Variants in MAPKBP1 observed in about 807,000 individuals in gnomAD.
MAPKBP1 encodes the protein mitogen-activated protein kinase binding protein 1.
Under a neutral mutation model 170.5 loss-of-function variants are expected in MAPKBP1, and 71 were observed. The observed-to-expected ratio is 0.42, with a 90% CI of 0.34 to 0.51. The LOEUF (loss-of-function observed/expected upper bound fraction) is 0.51. Ranked by LOEUF, MAPKBP1 falls within the 20% of genes least tolerant of loss-of-function variation. The pLI, the probability that MAPKBP1 is intolerant of heterozygous loss-of-function variation, is 0.06. For missense variants in MAPKBP1, 1,598 were observed against 1,933.0 expected (o/e 0.83, Z 3.25); for synonymous variants, 719 against 757.9 (o/e 0.95, Z 0.84).
chr15:41,807,136 A>G (rs2064711297), intron 3 of MAPKBP1, among the ~76,000 whole-genome samples: 1 of 152,190 alleles, frequency 6.6e-6, no homozygotes, highest in African/African-American at 2.4e-5. Context: ...TTCTTAGGCT[A>G]TACTGGGGGC....
At position 41,819,556 on chromosome 15, in the gene MAPKBP1, G is replaced by GGGC. The variant is rs151281998; in HGVS notation, c.2426-38_2426-37insGCG. 5 of 1,347,566 alleles carry GGGC rather than the reference G, an allele frequency of 3.7e-6. 1 individual carries two copies. Among genetic ancestry groups the GGGC allele is most frequent in the Middle Eastern group, 3.9e-4 (2 of 5,148 alleles). 83.5% of individuals were successfully genotyped at this position (1,347,566 alleles called of 1,614,324 possible). ...CTCCAGGGTTGGGTGGCGGGGGGGG[G>GGGC]GCAGGAGACACTTCCTCTGACTGCC... On this transcript the variant is annotated intron_variant, in intron 21 of 30. Coordinates refer to ENST00000457542, the MANE Select transcript of MAPKBP1 (RefSeq NM_014994.3).
intron 2 of MAPKBP1, among the ~76,000 whole-genome samples, chr15:41,798,579 G>T (rs1212135004): frequency 6.6e-6 from 1 of 152,032 alleles, no homozygotes; most frequent in Non-Finnish European, 1.5e-5. Flanking sequence ...AATTGTACCT[G>T]GCCCCTCTAG....
At chr15:41,815,122 T>A in intron 10 of MAPKBP1, 137 bp from the exon 11 acceptor site, 1 of 980,238 alleles carries the variant, frequency 1.0e-6, no homozygotes, top group Non-Finnish European at 1.5e-6. Flanking sequence ...ATATACCAGT[T>A]ATGTATGGCC....
intron 2 of MAPKBP1, among the ~76,000 whole-genome samples, chr15:41,799,421 C>T (rs931115092): frequency 1.3e-5 from 2 of 152,104 alleles, no homozygotes; most frequent in Non-Finnish European, 2.9e-5. Flanking sequence ...TTCCTTCATG[C>T]CTGCCAAAGC....
intron 3 of MAPKBP1, among the ~76,000 whole-genome samples, chr15:41,808,111 T>C (rs1398703048): frequency 2.6e-4 from 38 of 146,226 alleles, no homozygotes; most frequent in African/African-American, 6.2e-4. Context: ...CTTTCTTTTT[T>C]TTTTTTTTTT....
At position 41,817,794 on chromosome 15, in the gene MAPKBP1, C is replaced by T. The variant is rs979878362; in HGVS notation, c.1904+59C>T. ...CCTTCATCTCCCTACGGGGTCAGCT[C>T]TGTGCAGCTAAGTTCCCACATCTGT... is the stretch of plus-strand genomic sequence containing the variant. On this transcript the variant is annotated intron_variant, in intron 16 of 30. Coordinates refer to ENST00000457542, the MANE Select transcript of MAPKBP1 (RefSeq NM_014994.3). This position sits in a 1 kb window ranked among gnomAD's most constrained non-coding sequence, Gnocchi z 4.2. 6.3e-7 allele frequency: 1 copy of T among 1,595,810 alleles called. No individual in the cohort carries two copies. Among genetic ancestry groups the T allele is most frequent in the Non-Finnish European group, 8.5e-7 (1 of 1,170,858 alleles).
chr15:41,813,499 G>A (rs1026602425), intron 8 of MAPKBP1, 122 bp from the exon 9 acceptor site: 16 of 1,438,790 alleles, frequency 1.1e-5, no homozygotes, highest in African/African-American at 4.3e-5. Context: ...GCAGCTGGGC[G>A]GCTTTTCCCT....
chr15:41,816,872 AGGGCACTCAT>A (rs2064900977), intron 13 of MAPKBP1, 28 bp from the exon 14 acceptor site: 1 of 1,573,834 alleles, frequency 6.4e-7, no homozygotes, highest in African/African-American at 1.3e-5. Flanking sequence ...AGGGCTGTTC[AGGGCACTCAT>A]GGGCTGATGG....
rs1352943116 is a variant in MAPKBP1, at chr15:41,818,815, T to C, written c.2157-8T>C. The stretch of plus-strand genomic sequence containing the variant: ...CCTCCTTCAGCCAACTGTGTGGCTT[T>C]ACCCCAGCTGCATATTTGTGTGGCG... On this transcript the variant is annotated splice_region_variant and splice_polypyrimidine_tract_variant and intron_variant, in intron 19 of 30. Transcript: ENST00000457542. The surrounding 1 kb of genome is among the most constrained non-coding windows in gnomAD (Gnocchi z 5.2). 7 of 1,613,342 alleles carry C rather than the reference T, an allele frequency of 4.3e-6. No individual in the cohort carries two copies. In the Admixed American group the frequency reaches 1.2e-4, roughly 27 times the overall value.
chr15:41,777,825 CAAAT>C (rs1263566323), intron 2 of MAPKBP1, among the ~76,000 whole-genome samples: 1 of 152,188 alleles, frequency 6.6e-6, no homozygotes, highest in Non-Finnish European at 1.5e-5. Flanking sequence ...AGCTAATTCT[CAAAT>C]AAAATTTGAA....
rs368863760 is a variant in MAPKBP1 at position 41,818,099 on chromosome 15, G to A, written c.1980+15G>A. The A allele has an allele frequency of 2.2e-5, 36 of 1,613,762 alleles. No individual in the cohort carries two copies. Among genetic ancestry groups the A allele is most frequent in the Admixed American group, 1.5e-4 (9 of 60,008 alleles). On this transcript the variant is annotated intron_variant, in intron 17 of 30. Transcript: ENST00000457542. The surrounding 1 kb of genome is among the most constrained non-coding windows in gnomAD (Gnocchi z 5.2). ...CACTCATTAAGGTAAGGACCCAGAG[G>A]GGGTACTGGACAGGGGCTCGGGGAC... is the stretch of plus-strand genomic sequence containing the variant.
intron 2 of MAPKBP1, among the ~76,000 whole-genome samples, chr15:41,782,286 T>C (rs1292430297): frequency 1.4e-5 from 2 of 143,698 alleles, no homozygotes; most frequent in African/African-American, 5.1e-5. Flanking sequence ...AATTATGAAA[T>C]ACAACAGACA....
At position 41,819,343 on chromosome 15, in the gene MAPKBP1, C is replaced by T; in HGVS notation, c.2389C>T (p.Leu797=). ...DEGTEEELPA[L]PVLAKSTKKA... ...GGGGACTGAAGAAGAACTTCCAGCACTGCCCGTCCTTGCCAAGAGTACCAA... is the reference window on the plus strand; with the variant it reads ...GGGGACTGAAGAAGAACTTCCAGCATTGCCCGTCCTTGCCAAGAGTACCAA... Residue 797 remains leucine (L), a synonymous_variant, in exon 21 of 31, where the codon CTG becomes TTG. Coordinates refer to ENST00000457542, the MANE Select transcript of MAPKBP1 (RefSeq NM_014994.3). The T allele has an allele frequency of 1.2e-6, 2 of 1,614,228 alleles. No homozygotes were observed. The highest frequency in any genetic ancestry group is 1.7e-6 in the Non-Finnish European group (2 of 1,180,046).
Position 41,816,658 on chromosome 15 carries a change from G to A in MAPKBP1, c.1585+8G>A. On this transcript the variant is annotated splice_region_variant and intron_variant, in intron 13 of 30. Coordinates refer to ENST00000457542, the MANE Select transcript of MAPKBP1 (RefSeq NM_014994.3). Reference sequence around the variant, plus strand: ...ATTCTAAGCCAGACACAGGTTAGGAGAATGCCCGGAATGGCACAGGGCTCC... The same window carrying A: ...ATTCTAAGCCAGACACAGGTTAGGAAAATGCCCGGAATGGCACAGGGCTCC... The A allele has an allele frequency of 1.2e-6, 2 of 1,611,968 alleles. No individual in the cohort carries two copies. The highest frequency in any genetic ancestry group is 1.8e-4 in the Middle Eastern group (1 of 5,488).
Position 41,817,597 on chromosome 15 carries a change from A to G in MAPKBP1, c.1783-17A>G, listed in dbSNP as rs368914373. The G allele has an allele frequency of 6.8e-6, 11 of 1,614,056 alleles. No individual in the cohort carries two copies. The highest frequency in any genetic ancestry group is 5.5e-5 in the South Asian group (5 of 91,096). ...GGCATTTGGGTGTGGGCCTGCCCAC[A>G]TGCTCCACCCCTGCAGTCTGGAGAT... On this transcript the variant is annotated splice_polypyrimidine_tract_variant and intron_variant, in intron 15 of 30. Coordinates refer to ENST00000457542, the MANE Select transcript of MAPKBP1 (RefSeq NM_014994.3). This position sits in a 1 kb window ranked among gnomAD's most constrained non-coding sequence, Gnocchi z 4.2.
Position 41,825,300 on chromosome 15 carries a change from C to T in MAPKBP1, c.4391C>T (p.Ala1464Val), listed in dbSNP as rs756173924. 2.7e-5 allele frequency: 43 copies of T among 1,613,198 alleles called. No homozygotes were observed. Among genetic ancestry groups the T allele is most frequent in the Non-Finnish European group, 3.5e-5 (41 of 1,179,688 alleles). Reference protein sequence around the residue: ...TFSSVRQELEAVAGAVLSSPG... With the variant: ...TFSSVRQELEVVAGAVLSSPG... ...TCTTCAGTGCGACAGGAGCTGGAAGCTGTGGCTGGGGCAGTGCTGTCCAGC... is the reference window on the plus strand; with the variant it reads ...TCTTCAGTGCGACAGGAGCTGGAAGTTGTGGCTGGGGCAGTGCTGTCCAGC... Residue 1464 changes from alanine to valine, a missense_variant, in exon 31 of 31, where the codon GCT (alanine) becomes GTT (valine). This residue lies in a region of MAPKBP1 where 942 missense variants were observed against 953.2 expected (regional missense o/e 0.99). Transcript: ENST00000457542.
rs888173999 is a variant in MAPKBP1, at chr15:41,819,310, G to A, written c.2356G>A (p.Glu786Lys). The change falls in exon 21 of 31, where the codon GAA (glutamate) becomes AAA (lysine). Residue 786 changes from glutamate to lysine, a missense_variant. This residue lies in a region of MAPKBP1 where 942 missense variants were observed against 953.2 expected (regional missense o/e 0.99). Coordinates refer to ENST00000457542, the MANE Select transcript of MAPKBP1 (RefSeq NM_014994.3). ...ALSSDSDKEG[E>K]DEGTEEELPA... ...CTCATCAGACAGTGACAAGGAGGGA[G>A]AAGATGAGGGGACTGAAGAAGAACT... 2 of 1,614,198 alleles carry A rather than the reference G, an allele frequency of 1.2e-6. No homozygotes were observed.
At chr15:41,820,691 GC>G in intron 22 of MAPKBP1, 140 bp from the exon 23 acceptor site, 2 of 648,216 alleles carry the variant, frequency 3.1e-6, no homozygotes, top group Non-Finnish European at 5.5e-6. Context: ...TTATACTAGT[GC>G]CCATTTCAAA....
chr15:41,800,006 T>C, intron 3 of MAPKBP1, 92 bp downstream of exon 3: 8 of 1,021,834 alleles, frequency 7.8e-6, no homozygotes, highest in South Asian at 1.3e-5. Flanking sequence ...TGGTATCTTC[T>C]GGAAGATAGA....
Sources: allele counts gnomAD v4.1 joint callset (sites outside exome capture counted in the v4.1 genomes callset), GRCh38; gene constraint gnomAD v4.1.1; regional missense constraint gnomAD v4.1.1; non-coding constraint Gnocchi (gnomAD v3.1); transcripts MANE v1.5; gene names NCBI Gene and HGNC (gene_info 2026-07-23, HGNC 2026-07-21).